The following EIF4B variants were observed in gnomAD, a reference collection of about 807,000 sequenced individuals.
The protein encoded by EIF4B is eukaryotic translation initiation factor 4B.
A neutral mutation model predicts 79.3 loss-of-function variants in EIF4B; 8 were observed. The observed-to-expected ratio is 0.10, with a 90% CI of 0.06 to 0.18. The LOEUF is 0.18. EIF4B is among the 10% of genes least tolerant of loss of function. The pLI is 1.00. For synonymous variants in EIF4B, 238 were observed against 274.7 expected, an observed-to-expected ratio of 0.87 and a Z score of 1.32; for missense variants, 515 against 792.4, an observed-to-expected ratio of 0.65 and a Z score of 4.20.
At chr12:53,039,863 TTAC>T (rs1555154868) in intron 14 of EIF4B, 161 bp downstream of exon 14, 1 of 781,080 alleles carries the variant, frequency 1.3e-6, no homozygotes, top group Non-Finnish European at 1.9e-6. Flanking sequence ...ACATTGGTCT[TTAC>T]TGAAATAGCG....
At chr12:53,006,517 G>T (rs775352364) in intron 1 of EIF4B, 21 bp downstream of exon 1, 5 of 1,613,556 alleles carry the variant, frequency 3.1e-6, no homozygotes, top group Middle Eastern at 1.6e-4. Flanking sequence ...AGCCGAGCGC[G>T]GCCAAGGACT....
At position 53,041,512 on chromosome 12, in the gene EIF4B, T is replaced by TTG. The variant is rs1305651400; in HGVS notation, c.*1290_*1291insGT. The TTG allele has an allele frequency of 1.3e-5, 2 of 150,222 alleles. No individual in the cohort carries two copies. Among genetic ancestry groups the TTG allele is most frequent in the African/African-American group, 2.5e-5 (1 of 40,246 alleles). 9.3% of individuals were successfully genotyped at this position (150,222 alleles called of 1,614,324 possible). A position where few individuals can be genotyped will look rare whatever the true frequency, so the allele number is the denominator to read the frequency against. Reference sequence around the variant, plus strand: ...ACCAATGTGTTGTTTTGTTGTTGTTTTTTTAAGCTTCCCTTGAGAGAATAA... The same window carrying TTG: ...ACCAATGTGTTGTTTTGTTGTTGTTTTGTTTTAAGCTTCCCTTGAGAGAATAA... On this transcript the variant is annotated 3_prime_UTR_variant, in exon 15 of 15. Coordinates refer to ENST00000262056, the MANE Select transcript of EIF4B (RefSeq NM_001417.7).
intron 2 of EIF4B, among the ~76,000 whole-genome samples, chr12:53,018,471 T>C (rs1288033952): frequency 6.6e-6 from 1 of 152,200 alleles, no homozygotes; most frequent in Non-Finnish European, 1.5e-5. Context: ...GAGTTTGCTT[T>C]TCTGTAGAAT....
intron 6 of EIF4B, among the ~76,000 whole-genome samples, chr12:53,026,091 C>G (rs542140834): frequency 1.3e-5 from 2 of 151,934 alleles, no homozygotes; most frequent in South Asian, 4.1e-4. Flanking sequence ...CAGAGTGAGA[C>G]TCCGTCTCAA....
intron 10 of EIF4B, among the ~76,000 whole-genome samples, chr12:53,035,026 A>AG (rs1943516041): frequency 7.0e-6 from 1 of 142,716 alleles, no homozygotes; most frequent in Non-Finnish European, 1.5e-5. Flanking sequence ...TTGTTTATTC[A>AG]GAACAGTCAA....
In EIF4B at chr12:53,006,510, C is replaced by G; in HGVS notation, c.13+14C>G. Reference sequence around the variant, plus strand: ...TGGCGGCCTCAGGTGAGCGAGCAGCCGAGCGCGGCCAAGGACTGGGCTCTG... The same window carrying G: ...TGGCGGCCTCAGGTGAGCGAGCAGCGGAGCGCGGCCAAGGACTGGGCTCTG... On this transcript the variant is annotated intron_variant, in intron 1 of 14. Coordinates refer to ENST00000262056, the MANE Select transcript of EIF4B (RefSeq NM_001417.7). The G allele has an allele frequency of 6.2e-7, 1 of 1,613,634 alleles. No individual in the cohort carries two copies. The highest frequency in any genetic ancestry group is 8.5e-7 in the Non-Finnish European group (1 of 1,180,024).
intron 8 of EIF4B, among the ~76,000 whole-genome samples, chr12:53,031,401 C>T (rs1360487848): frequency 6.6e-6 from 1 of 152,196 alleles, no homozygotes; most frequent in Non-Finnish European, 1.5e-5. Flanking sequence ...CTCATCCTCC[C>T]CAGTAGCTGG....
chr12:53,014,818 T>A (rs1592215131), intron 1 of EIF4B: 1 of 152,208 alleles, frequency 6.6e-6, no homozygotes, highest in African/African-American at 2.4e-5. Flanking sequence ...CCAATCTTTT[T>A]TACAACAAAG....
intron 4 of EIF4B, among the ~76,000 whole-genome samples, chr12:53,020,579 A>G (rs1943232506): frequency 6.6e-6 from 1 of 152,158 alleles, no homozygotes; most frequent in Admixed American, 6.6e-5. Context: ...AGGGGCTTAT[A>G]TCTCAGAAGA....
At position 53,041,519 on chromosome 12, in the gene EIF4B, G is replaced by C. The variant is rs1943638753; in HGVS notation, c.*1296G>C. Reference sequence around the variant, plus strand: ...TGTTGTTTTGTTGTTGTTTTTTTAAGCTTCCCTTGAGAGAATAAATGGTAA... The same window carrying C: ...TGTTGTTTTGTTGTTGTTTTTTTAACCTTCCCTTGAGAGAATAAATGGTAA... On this transcript the variant is annotated 3_prime_UTR_variant, in exon 15 of 15. Coordinates refer to ENST00000262056, the MANE Select transcript of EIF4B (RefSeq NM_001417.7). 1.6e-5 allele frequency: 2 copies of C among 124,034 alleles called. No individual in the cohort carries two copies. Among genetic ancestry groups the C allele is most frequent in the Admixed American group, 1.7e-4 (2 of 11,874 alleles). 7.7% of individuals were successfully genotyped at this position (124,034 alleles called of 1,614,324 possible). A position where few individuals can be genotyped will look rare whatever the true frequency, so the allele number is the denominator to read the frequency against.
chr12:53,040,049 A>G, intron 14 of EIF4B, 94 bp from the exon 15 acceptor site: 2 of 1,403,936 alleles, frequency 1.4e-6, no homozygotes, highest in South Asian at 1.2e-5. Context: ...TCTGACTGTC[A>G]TCCCCCATTG....
chr12:53,035,430 G>A (rs980053610), intron 10 of EIF4B, among the ~76,000 whole-genome samples: 13 of 150,602 alleles, frequency 8.6e-5, no homozygotes, highest in South Asian at 2.1e-4. Context: ...GTGCAGTGGC[G>A]CGATCTCGGC....
Position 53,041,859 on chromosome 12 carries a change from G to A in EIF4B, c.*1636G>A, listed in dbSNP as rs1343214254. On this transcript the variant is annotated 3_prime_UTR_variant, in exon 15 of 15. Coordinates refer to ENST00000262056, the MANE Select transcript of EIF4B (RefSeq NM_001417.7). Reference sequence around the variant, plus strand: ...TAGCTAAGAAGTGGGCTTTTAAAGAGTATTGAAGATTGAAAGGGTTTTTCT... The same window carrying A: ...TAGCTAAGAAGTGGGCTTTTAAAGAATATTGAAGATTGAAAGGGTTTTTCT... 2.6e-5 allele frequency: 4 copies of A among 152,134 alleles called. No individual in the cohort carries two copies. Among genetic ancestry groups the A allele is most frequent in the Admixed American group, 2.6e-4 (4 of 15,264 alleles). 9.4% of individuals were successfully genotyped at this position (152,134 alleles called of 1,614,324 possible). A position where few individuals can be genotyped will look rare whatever the true frequency, so the allele number is the denominator to read the frequency against.
intron 1 of EIF4B, among the ~76,000 whole-genome samples, chr12:53,009,654 C>T (rs1447563039): frequency 1.3e-5 from 2 of 152,178 alleles, no homozygotes; most frequent in Non-Finnish European, 2.9e-5. Context: ...TGTTTTCATA[C>T]ACTGCTGACT....
chr12:53,039,967 G>T, intron 14 of EIF4B, 176 bp from the exon 15 acceptor site: 1 of 731,866 alleles, frequency 1.4e-6, no homozygotes, highest in Non-Finnish European at 2.3e-6. Context: ...TAGTAAGATC[G>T]CATGTGCCTC....
rs535846766 is a variant in EIF4B, at chr12:53,007,563, T to C, written c.13+1067T>C. On this transcript the variant is annotated intron_variant, in intron 1 of 14. Transcript: ENST00000262056. ...GAGTATCAGTGCCTTGCAAGTCTAA[T>C]TACATTTCTAATGGGCTTATAAAAG... Among the ~76,000 whole-genome samples, 55 of 152,130 alleles carry C rather than the reference T, an allele frequency of 3.6e-4. 2 individuals are homozygous for C. The Middle Eastern group carries it at 0.01, about 28-fold the overall frequency.
At chr12:53,040,029 G>A in intron 14 of EIF4B, 114 bp from the exon 15 acceptor site, 1 of 1,187,632 alleles carries the variant, frequency 8.4e-7, no homozygotes, top group Non-Finnish European at 1.2e-6. Flanking sequence ...GAGCAAGCAA[G>A]TGGGTGTCAT....
At chr12:53,021,589 A>G (rs1943247486) in intron 4 of EIF4B, 4 of 641,756 alleles carry the variant, frequency 6.2e-6, no homozygotes, top group Non-Finnish European at 1.1e-5. Flanking sequence ...TAAAAATAGT[A>G]TAATTGACCT....
chr12:53,012,495 G>A (rs947667473), intron 1 of EIF4B, among the ~76,000 whole-genome samples: 7 of 151,232 alleles, frequency 4.6e-5, no homozygotes, highest in Admixed American at 1.3e-4. Flanking sequence ...CGGAGGTTTC[G>A]GTGAGCCGAG....
Sources: gnomAD v4.1 joint callset for allele counts (sites outside exome capture counted in the v4.1 genomes callset) on GRCh38, gnomAD v4.1.1 for gene constraint, MANE v1.5 for transcripts, NCBI Gene and HGNC (gene_info 2026-07-23, HGNC 2026-07-21) for gene names.